DGAT2: variants seen among roughly 807,000 people sequenced by gnomAD.
The protein encoded by DGAT2 is diacylglycerol O-acyltransferase 2, also known as acyl-CoA retinol O-fatty-acyltransferase.
In DGAT2, 33 loss-of-function variants were observed where a neutral mutation model predicts 48.4. The observed-to-expected ratio is 0.68, with a 90% CI of 0.52 to 0.91. The LOEUF is 0.91. Among genes scored for constraint, DGAT2 ranks in the 40% least tolerant of loss-of-function variants. The probability of loss-of-function intolerance (pLI) is 0.00; values close to 1 mark genes in which losing one functional copy is unlikely to be tolerated. For missense variants in DGAT2, 446 were observed against 493.7 expected, an observed-to-expected ratio of 0.90 and a Z score of 0.92; for synonymous variants, 191 against 194.1, an observed-to-expected ratio of 0.98 and a Z score of 0.13.
intron 4 of DGAT2, chr11:75,794,990 G>C (rs942572078): frequency 9.1e-6 from 1 of 110,064 alleles, no homozygotes; most frequent in South Asian, 3.5e-4. Context: ...CCTCTCCTCC[G>C]TTCCTCTCCC....
Position 75,784,745 on chromosome 11 carries a change from G to A in DGAT2, c.249G>A (p.Leu83=). 6.2e-7 allele frequency: 1 copy of A among 1,613,980 alleles called. No individual in the cohort carries two copies. The highest frequency in any genetic ancestry group is 1.7e-5 in the Admixed American group (1 of 60,018). Residue 83 remains leucine (L), a splice_region_variant and synonymous_variant, in exon 2 of 8, where the codon CTG becomes CTA. Transcript: ENST00000228027. The stretch of plus-strand genomic sequence containing the variant: ...AGTGGGTCCTGTCCTTCCTTGTACT[G>A]GGTAAGCTGGGCCTTAGAGGGAGGG... ...VLQWVLSFLV[L]GVACSAILMY...
At chr11:75,791,530 G>A (rs1301355527) in intron 4 of DGAT2, among the ~76,000 whole-genome samples, 1 of 152,220 alleles carries the variant, frequency 6.6e-6, no homozygotes, top group Non-Finnish European at 1.5e-5. Flanking sequence ...TAAAGAAACT[G>A]AGCCTCAGAG....
rs376849632 is a variant in DGAT2 at position 75,800,328 on chromosome 11, C to T, written c.1013-26C>T. 6 of 1,610,744 alleles carry T rather than the reference C, an allele frequency of 3.7e-6. No homozygotes were observed. In the African/African-American group the frequency reaches 5.3e-5, roughly 14 times the overall value. On this transcript the variant is annotated intron_variant, in intron 7 of 7. Transcript: ENST00000228027. ...GCCCAGGGGAAGGGTGTTGACTAAC[C>T]AGAAGCCTCTGCCCTGTCCCTGCAG...
intron 1 of DGAT2, among the ~76,000 whole-genome samples, chr11:75,769,914 CTG>C (rs1357063141): frequency 1.3e-5 from 2 of 152,176 alleles, no homozygotes; most frequent in African/African-American, 4.8e-5. Flanking sequence ...CTTTCTAAGT[CTG>C]TATTCTGTTT....
At chr11:75,780,263 A>C (rs1025676251) in intron 1 of DGAT2, among the ~76,000 whole-genome samples, 2 of 152,218 alleles carry the variant, frequency 1.3e-5, no homozygotes, top group Non-Finnish European at 2.9e-5. Flanking sequence ...TCCCAGCCAC[A>C]GCTGGGGCAG....
chr11:75,773,605 C>G (rs1282337536), intron 1 of DGAT2: 1 of 152,238 alleles, frequency 6.6e-6, no homozygotes, highest in African/African-American at 2.4e-5. Flanking sequence ...TCAGCAGGCC[C>G]CCAACACTGT....
At chr11:75,797,941 G>C (rs7119779) in intron 6 of DGAT2, among the ~76,000 whole-genome samples, 5,461 of 152,280 alleles carry the variant, frequency 0.036, 311 homozygotes, top group African/African-American at 0.12. Context: ...GGCAGAGGCA[G>C]GCCCTGCAGG....
chr11:75,769,137 T>C, intron 1 of DGAT2, 25 bp downstream of exon 1: 2 of 1,533,512 alleles, frequency 1.3e-6, no homozygotes, highest in South Asian at 1.2e-5. Flanking sequence ...GCAGGGGTTA[T>C]GGACCTGCGA....
rs1264873265 is a variant in DGAT2 at position 75,790,737 on chromosome 11, G to T, written c.429+6G>T. On this transcript the variant is annotated splice_donor_region_variant and intron_variant, in intron 4 of 7. Coordinates refer to ENST00000228027, the MANE Select transcript of DGAT2 (RefSeq NM_032564.5). The stretch of plus-strand genomic sequence containing the variant: ...GAGACTACTTTCCCATCCAGGTAAA[G>T]TGCTGTGAGTGTTGTTTTGGGAGGG... The T allele has an allele frequency of 6.2e-7, 1 of 1,614,194 alleles. No individual in the cohort carries two copies. Among genetic ancestry groups the T allele is most frequent in the Non-Finnish European group, 8.5e-7 (1 of 1,180,012 alleles).
chr11:75,790,805 A>G, intron 4 of DGAT2, 74 bp downstream of exon 4: 12 of 1,529,546 alleles, frequency 7.8e-6, no homozygotes, highest in Non-Finnish European at 1.1e-5. Flanking sequence ...TAACCCACCC[A>G]CAGGGAAGCA....
chr11:75,773,028 G>A (rs2135756980), intron 1 of DGAT2, among the ~76,000 whole-genome samples: 1 of 152,272 alleles, frequency 6.6e-6, no homozygotes, highest in Admixed American at 6.5e-5. Context: ...AAGAATATGA[G>A]TCCCTTGGAA....
Position 75,800,776 on chromosome 11 carries a change from G to C in DGAT2, c.*268G>C, listed in dbSNP as rs1299489792. ...ACCTCTCTTCTTCCCTTCCTGAAGTGACAAAGGAAACTCAGTCTTCTTGGG... is the reference window on the plus strand; with the variant it reads ...ACCTCTCTTCTTCCCTTCCTGAAGTCACAAAGGAAACTCAGTCTTCTTGGG... On this transcript the variant is annotated 3_prime_UTR_variant, in exon 8 of 8. Transcript: ENST00000228027. The C allele has an allele frequency of 2.6e-6, 1 of 389,978 alleles. No homozygotes were observed. The highest frequency in any genetic ancestry group is 2.1e-5 in the African/African-American group (1 of 47,508). The allele number at this position is 389,978 out of a possible 1,614,324, so 24.2% of individuals were successfully genotyped here. A position where few individuals can be genotyped will look rare whatever the true frequency, so the allele number is the denominator to read the frequency against.
intron 7 of DGAT2, 46 bp downstream of exon 7, chr11:75,798,475 G>T: frequency 6.3e-7 from 1 of 1,596,624 alleles, no homozygotes; most frequent in Non-Finnish European, 8.5e-7. Flanking sequence ...AACACAGGGT[G>T]CCATACAGCT....
chr11:75,790,050 C>T, intron 2 of DGAT2, 138 bp from the exon 3 acceptor site: 1 of 686,812 alleles, frequency 1.5e-6, no homozygotes, highest in South Asian at 1.7e-5. Flanking sequence ...GTAGCTATTT[C>T]TCAGGGTTTG....
rs369491336 is a variant in DGAT2, at chr11:75,800,346, C to G, written c.1013-8C>G. 6.8e-6 allele frequency: 11 copies of G among 1,613,706 alleles called. No individual in the cohort carries two copies. Among genetic ancestry groups the G allele is most frequent in the East Asian group, 6.7e-5 (3 of 44,872 alleles). ...GACTAACCAGAAGCCTCTGCCCTGTCCCTGCAGTGGGAGAGCCCATCACCA... is the reference window on the plus strand; with the variant it reads ...GACTAACCAGAAGCCTCTGCCCTGTGCCTGCAGTGGGAGAGCCCATCACCA... On this transcript the variant is annotated splice_polypyrimidine_tract_variant and splice_region_variant and intron_variant, in intron 7 of 7. Coordinates refer to ENST00000228027, the MANE Select transcript of DGAT2 (RefSeq NM_032564.5).
At chr11:75,780,471 C>A (rs1026133662) in intron 1 of DGAT2, among the ~76,000 whole-genome samples, 11 of 152,156 alleles carry the variant, frequency 7.2e-5, no homozygotes, top group African/African-American at 2.7e-4. Flanking sequence ...ACCCCCATTT[C>A]ATAGATGGGG....
At chr11:75,781,814 T>C (rs1365521167) in intron 1 of DGAT2, among the ~76,000 whole-genome samples, 1 of 152,140 alleles carries the variant, frequency 6.6e-6, no homozygotes, top group Non-Finnish European at 1.5e-5. Flanking sequence ...CAATTTCCAG[T>C]CTGTATAACG....
intron 2 of DGAT2, among the ~76,000 whole-genome samples, chr11:75,787,635 C>G (rs1013508035): frequency 2.0e-5 from 3 of 152,224 alleles, no homozygotes; most frequent in African/African-American, 7.2e-5. Context: ...AACCTAAGAG[C>G]ATGGAACCAG....
chr11:75,786,517 G>A (rs550810233), intron 2 of DGAT2, among the ~76,000 whole-genome samples: 78 of 152,270 alleles, frequency 5.1e-4, no homozygotes, highest in African/African-American at 1.8e-3. Context: ...ACCAGCTCAC[G>A]CAGCATGTGA....
Sources: gnomAD v4.1 joint callset for allele counts (sites outside exome capture counted in the v4.1 genomes callset) on GRCh38, gnomAD v4.1.1 for gene constraint, MANE v1.5 for transcripts, NCBI Gene and HGNC (gene_info 2026-07-23, HGNC 2026-07-21) for gene names.